Variants in PTBP3 observed in about 807,000 individuals in gnomAD.
PTBP3 encodes polypyrimidine tract-binding protein 3.
A neutral mutation model predicts 58.7 loss-of-function variants in PTBP3; 20 were observed. The ratio of observed to expected loss-of-function variants is 0.34; its 90% CI spans 0.24 to 0.50. PTBP3 has a LOEUF of 0.50. Ranked by LOEUF, PTBP3 falls within the 20% of genes least tolerant of loss-of-function variation. PTBP3 has a pLI of 0.98. For missense variants in PTBP3, 509 were observed against 637.2 expected (o/e 0.80, Z 2.17); for synonymous variants, 185 against 219.8 (o/e 0.84, Z 1.40).
intron 7 of PTBP3, among the ~76,000 whole-genome samples, chr9:112,249,280 C>T (rs1312821990): frequency 6.6e-6 from 1 of 151,992 alleles, no homozygotes; most frequent in African/African-American, 2.4e-5. Context: ...ATTTCTTAAC[C>T]TGGGTGGTAG....
chr9:112,356,749 AGATATAAGG>A, the PTBP3 span, among the ~76,000 whole-genome samples: 1 of 151,386 alleles, frequency 6.6e-6, no homozygotes, highest in Non-Finnish European at 1.5e-5. Flanking sequence ...GGATTGTCAG[AGATATAAGG>A]GAAAGACTCA....
the PTBP3 span, among the ~76,000 whole-genome samples, chr9:112,374,552 G>C: frequency 6.6e-6 from 1 of 152,138 alleles, no homozygotes; most frequent in African/African-American, 2.4e-5. Flanking sequence ...TCACCTAGTT[G>C]GTGTTGTAAT....
Position 112,222,246 on chromosome 9 carries a change from T to C in PTBP3, c.*1605A>G, listed in dbSNP as rs1444806877. On this transcript the variant is annotated 3_prime_UTR_variant, in exon 14 of 14. Transcript: ENST00000374257. ...ACAATTGAAGAAATAATAGCAAAGT[T>C]TCTTATTAAAAAGAAACAATTTTAC... 11 of 975,880 alleles carry C rather than the reference T, an allele frequency of 1.1e-5. No homozygotes were observed. In the Admixed American group the frequency reaches 6.2e-4, roughly 55 times the overall value. The allele number at this position is 975,880 out of a possible 1,614,324, so 60.5% of individuals were successfully genotyped here.
At chr9:112,273,282 T>C (rs1827466192) in intron 3 of PTBP3, among the ~76,000 whole-genome samples, 1 of 152,244 alleles carries the variant, frequency 6.6e-6, no homozygotes, top group Non-Finnish European at 1.5e-5. Context: ...ATGTCCGTGA[T>C]GTACTTTGAA....
Position 112,223,273 on chromosome 9 carries a change from C to G in PTBP3, c.*578G>C. The G allele has an allele frequency of 7.4e-6, 7 of 944,230 alleles. No individual in the cohort carries two copies. The highest frequency in any genetic ancestry group is 7.6e-6 in the Non-Finnish European group (6 of 792,116). The allele number at this position is 944,230 out of a possible 1,614,324, so 58.5% of individuals were successfully genotyped here. ...AAAAAAAGAAATCATTCAAAGAAAA[C>G]ATGCAGGTTTATAAATCTGCTTCCA... On this transcript the variant is annotated 3_prime_UTR_variant, in exon 14 of 14. Coordinates refer to ENST00000374257, the MANE Select transcript of PTBP3 (RefSeq NM_001163788.4).
At chr9:112,347,319 A>T in the PTBP3 span, among the ~76,000 whole-genome samples, 1 of 151,088 alleles carries the variant, frequency 6.6e-6, no homozygotes, top group African/African-American at 2.4e-5. Flanking sequence ...ATATTGAATT[A>T]AAACTATATG....
At chr9:112,332,477 T>C (rs1830414253) in intron 1 of PTBP3, among the ~76,000 whole-genome samples, 2 of 152,208 alleles carry the variant, frequency 1.3e-5, no homozygotes, top group Admixed American at 1.3e-4. Flanking sequence ...CACAGAAATC[T>C]TGTCATCAAA....
At chr9:112,288,074 CT>C (rs1828221717) in intron 2 of PTBP3, among the ~76,000 whole-genome samples, 1 of 152,156 alleles carries the variant, frequency 6.6e-6, no homozygotes, top group African/African-American at 2.4e-5. Context: ...ACATAAGTTA[CT>C]TTCAGATTAG....
At chr9:112,335,506 G>A (rs1276561279), upstream of PTBP3, among the ~76,000 whole-genome samples, 2 of 150,728 alleles carry the variant, frequency 1.3e-5, no homozygotes. Context: ...GGCTGGTCTC[G>A]AACTCCTGAC....
the PTBP3 span, among the ~76,000 whole-genome samples, chr9:112,353,416 T>A: frequency 6.6e-6 from 1 of 150,662 alleles, no homozygotes; most frequent in Non-Finnish European, 1.5e-5. Context: ...TTCCTTTTTT[T>A]TGTAGTTTTT....
At chr9:112,267,372 T>C (rs1321056331) in intron 4 of PTBP3, among the ~76,000 whole-genome samples, 1 of 152,086 alleles carries the variant, frequency 6.6e-6, no homozygotes, top group Non-Finnish European at 1.5e-5. Context: ...TTTCACTGTG[T>C]TAGCCAGGAT....
chr9:112,373,707 T>C, the PTBP3 span, among the ~76,000 whole-genome samples: 1 of 152,224 alleles, frequency 6.6e-6, no homozygotes, highest in South Asian at 2.1e-4. Flanking sequence ...CCAAATGCTG[T>C]TACATAAAGT....
chr9:112,263,438 T>C (rs1267923611), intron 4 of PTBP3, among the ~76,000 whole-genome samples: 2 of 152,102 alleles, frequency 1.3e-5, no homozygotes, highest in African/African-American at 2.4e-5. Context: ...ACACAACAAA[T>C]GGAAATTTTA....
chr9:112,288,831 C>T (rs7027028), intron 2 of PTBP3, among the ~76,000 whole-genome samples: 130,333 of 152,274 alleles, frequency 0.86, 56,164 homozygotes, highest in African/African-American at 0.95. Context: ...TTATCAAGTA[C>T]GGAGCTTAGT....
chr9:112,278,146 TTC>T (rs1827706637), intron 2 of PTBP3, among the ~76,000 whole-genome samples: 2 of 152,128 alleles, frequency 1.3e-5, no homozygotes, highest in Admixed American at 6.6e-5. Flanking sequence ...TAAAGGTAAT[TTC>T]TTTTTTTAAA....
the PTBP3 span, among the ~76,000 whole-genome samples, chr9:112,378,574 G>A: frequency 2.0e-5 from 3 of 152,164 alleles, no homozygotes; most frequent in Admixed American, 1.3e-4. Context: ...ATATATACAC[G>A]CTTCAGCAAG....
At chr9:112,334,148 G>A (rs1830512908), upstream of PTBP3, among the ~76,000 whole-genome samples, 1 of 152,100 alleles carries the variant, frequency 6.6e-6, no homozygotes, top group South Asian at 2.1e-4. Context: ...CTGGCAGCCC[G>A]GCGCTGGAGT....
At chr9:112,357,392 C>A in the PTBP3 span, among the ~76,000 whole-genome samples, 5 of 152,128 alleles carry the variant, frequency 3.3e-5, no homozygotes, top group African/African-American at 1.2e-4. Context: ...GCTCTGTCAT[C>A]CAGGCTGGTG....
the PTBP3 span, among the ~76,000 whole-genome samples, chr9:112,349,584 C>A: frequency 1.3e-5 from 2 of 151,982 alleles, no homozygotes; most frequent in South Asian, 4.1e-4. Context: ...ATTTACCAGG[C>A]GCGGTGGCTC....
Sources: gnomAD v4.1 joint callset for allele counts (sites outside exome capture counted in the v4.1 genomes callset) on GRCh38, gnomAD v4.1.1 for gene constraint, MANE v1.5 for transcripts, NCBI Gene and HGNC (gene_info 2026-07-23, HGNC 2026-07-21) for gene names.